The following NAALADL2 variants were observed in gnomAD, a reference collection of about 807,000 sequenced individuals.
The protein encoded by NAALADL2 is N-acetylated alpha-linked acidic dipeptidase like 2.
A neutral mutation model predicts 87.2 loss-of-function variants in NAALADL2; 76 were observed. That is an observed-to-expected ratio of 0.87 (90% CI 0.72 to 1.05). The LOEUF is 1.05. Among genes scored for constraint, NAALADL2 ranks in the 50% least tolerant of loss-of-function variants. NAALADL2 has a pLI of 0.00. For missense variants in NAALADL2, 1,089 were observed against 945.8 expected (o/e 1.15, Z -1.99); for synonymous variants, 354 against 331.0 (o/e 1.07, Z -0.75).
intron 2 of NAALADL2, among the ~76,000 whole-genome samples, chr3:174,678,550 A>G (rs575582): frequency 0.21 from 31,198 of 152,096 alleles, 3,791 homozygotes; most frequent in Non-Finnish European, 0.27. Context: ...ACACTTCTTC[A>G]TTTATGCCAT....
At chr3:175,201,158 G>T (rs146613635) in intron 2 of NAALADL2, among the ~76,000 whole-genome samples, 321 of 152,158 alleles carry the variant, frequency 2.1e-3, no homozygotes, top group Non-Finnish European at 3.4e-3. Flanking sequence ...TGAAGGTTGG[G>T]ACCACATCTT....
At chr3:175,166,037 A>G (rs1178621990) in intron 2 of NAALADL2, among the ~76,000 whole-genome samples, 1 of 102,330 alleles carries the variant, frequency 9.8e-6, no homozygotes, top group Non-Finnish European at 2.0e-5. Flanking sequence ...AAGGGACTCC[A>G]TATTTTTTTT....
At chr3:175,559,942 T>C (rs1276830719) in intron 9 of NAALADL2, among the ~76,000 whole-genome samples, 2 of 152,208 alleles carry the variant, frequency 1.3e-5, no homozygotes, top group Non-Finnish European at 2.9e-5. Flanking sequence ...CAGGGTAATA[T>C]TGGCCTCATA....
At chr3:175,215,862 T>C (rs994473252) in intron 2 of NAALADL2, among the ~76,000 whole-genome samples, 2 of 152,134 alleles carry the variant, frequency 1.3e-5, no homozygotes, top group Non-Finnish European at 2.9e-5. Flanking sequence ...ACTGAATGGA[T>C]GGGTCTAGTC....
chr3:174,499,335 T>A (rs987479742), intron 1 of NAALADL2, among the ~76,000 whole-genome samples: 1 of 152,142 alleles, frequency 6.6e-6, no homozygotes, highest in South Asian at 2.1e-4. Context: ...AGTTATCAGA[T>A]ACATAATTTG....
intron 11 of NAALADL2, among the ~76,000 whole-genome samples, chr3:175,737,076 T>C (rs577176887): frequency 1.3e-5 from 2 of 152,306 alleles, no homozygotes; most frequent in East Asian, 3.9e-4. Context: ...AGGAATAATA[T>C]ATTTCCTTAT....
rs1440175655 is a variant in NAALADL2 at position 175,581,736 on chromosome 3, T to C, written c.1800+5549T>C. ...TGAGAGTGAAAAGGGCATATAATGTTACTAGCATTATAAAAATAGTTTTGA... is the reference window on the plus strand; with the variant it reads ...TGAGAGTGAAAAGGGCATATAATGTCACTAGCATTATAAAAATAGTTTTGA... On this transcript the variant is annotated intron_variant, in intron 10 of 13. Transcript: ENST00000454872. Among the ~76,000 whole-genome samples the C allele has an allele frequency of 4.6e-5, 7 of 152,304 alleles. No homozygotes were observed. The East Asian group carries it at 1.4e-3, about 29-fold the overall frequency.
intron 1 of NAALADL2, among the ~76,000 whole-genome samples, chr3:174,544,714 G>T (rs1156646272): frequency 6.6e-6 from 1 of 151,248 alleles, no homozygotes; most frequent in African/African-American, 2.4e-5. Context: ...GGGATTACAG[G>T]CACGCGTCAC....
intron 1 of NAALADL2, among the ~76,000 whole-genome samples, chr3:175,094,124 T>TC (rs149318081): frequency 0.4 from 59,615 of 150,860 alleles, 12,152 homozygotes; most frequent in Non-Finnish European, 0.46. Flanking sequence ...TCAATGTTTT[T>TC]TAAAAAAAAA....
chr3:175,025,701 TG>T (rs940477179), intron 1 of NAALADL2, among the ~76,000 whole-genome samples: 1 of 152,146 alleles, frequency 6.6e-6, no homozygotes, highest in African/African-American at 2.4e-5. Context: ...AGTATTTTAA[TG>T]GGGAAAATAT....
At chr3:175,204,321 A>G (rs909491704) in intron 2 of NAALADL2, among the ~76,000 whole-genome samples, 1 of 152,242 alleles carries the variant, frequency 6.6e-6, no homozygotes, top group Non-Finnish European at 1.5e-5. Flanking sequence ...GATATACCAC[A>G]TCAACAGAAT....
At chr3:175,171,613 A>T (rs556726524) in intron 2 of NAALADL2, among the ~76,000 whole-genome samples, 9 of 152,126 alleles carry the variant, frequency 5.9e-5, no homozygotes, top group African/African-American at 9.6e-5. Context: ...ACTGTGTTGC[A>T]GGCTAAAAAG....
chr3:174,443,732 G>A (rs371463549), intron 1 of NAALADL2, among the ~76,000 whole-genome samples: 267 of 152,300 alleles, frequency 1.8e-3, no homozygotes, highest in African/African-American at 6.1e-3. Context: ...AGCATTATGA[G>A]ATGAGGAGAA....
chr3:174,921,221 T>C (rs950168189), intron 1 of NAALADL2, among the ~76,000 whole-genome samples: 2 of 152,324 alleles, frequency 1.3e-5, no homozygotes, highest in Middle Eastern at 3.4e-3. Context: ...CAATGTGTTT[T>C]GCAAAATGCA....
intron 3 of NAALADL2, among the ~76,000 whole-genome samples, chr3:174,793,194 T>G (rs1387400391): frequency 6.6e-6 from 1 of 152,142 alleles, no homozygotes; most frequent in African/African-American, 2.4e-5. Flanking sequence ...TGAGACAAAC[T>G]TATTTGTATG....
chr3:175,453,247 G>A (rs368136973), intron 6 of NAALADL2, among the ~76,000 whole-genome samples: 36 of 151,872 alleles, frequency 2.4e-4, no homozygotes, highest in African/African-American at 6.3e-4. Context: ...ATCCATTAGC[G>A]TACACCCTAT....
intron 11 of NAALADL2, among the ~76,000 whole-genome samples, chr3:175,681,292 A>G (rs1735560904): frequency 6.6e-6 from 1 of 152,220 alleles, no homozygotes; most frequent in African/African-American, 2.4e-5. Flanking sequence ...AAATAAGTAC[A>G]GTATAATGCA....
intron 2 of NAALADL2, among the ~76,000 whole-genome samples, chr3:175,160,361 T>TTTTTTTTTTC (rs1732987050): frequency 1.3e-5 from 1 of 75,280 alleles, no homozygotes; most frequent in African/African-American, 4.6e-5. Flanking sequence ...CTTTTCTTTC[T>TTTTTTTTTTC]TTTTTTTTTT....
At chr3:174,836,551 C>CA (rs1723348171) in intron 3 of NAALADL2, among the ~76,000 whole-genome samples, 1 of 151,304 alleles carries the variant, frequency 6.6e-6, no homozygotes, top group Non-Finnish European at 1.5e-5. Flanking sequence ...AATACAACAA[C>CA]AAAGAAAATT....
Sources: allele counts gnomAD v4.1 joint callset (sites outside exome capture counted in the v4.1 genomes callset), GRCh38; gene constraint gnomAD v4.1.1; transcripts MANE v1.5; gene names NCBI Gene and HGNC (gene_info 2026-07-23, HGNC 2026-07-21).